Variants in RNF217 observed in about 807,000 individuals in gnomAD.
RNF217 encodes the protein E3 ubiquitin-protein ligase RNF217.
A neutral mutation model predicts 57.8 loss-of-function variants in RNF217; 31 were observed. The observed-to-expected ratio is 0.54, with a 90% confidence interval of 0.40 to 0.72. The LOEUF (loss-of-function observed/expected upper bound fraction) is 0.72, where lower values mean the gene tolerates loss of function less well. Ranked by LOEUF, RNF217 falls within the 30% of genes least tolerant of loss-of-function variation. RNF217 has a pLI of 0.00. For missense variants in RNF217, 696 were observed against 708.3 expected, an observed-to-expected ratio of 0.98 and a Z score of 0.20; for synonymous variants, 313 against 294.0, an observed-to-expected ratio of 1.06 and a Z score of -0.66.
At chr6:125,016,021 T>A (rs528771086) in intron 1 of RNF217, among the ~76,000 whole-genome samples, 1 of 152,260 alleles carries the variant, frequency 6.6e-6, no homozygotes, top group Admixed American at 6.5e-5. Context: ...ATGGATTCAC[T>A]GGTACATAAA....
chr6:125,016,866 G>A (rs1785631799), intron 1 of RNF217, among the ~76,000 whole-genome samples: 2 of 152,078 alleles, frequency 1.3e-5, no homozygotes, highest in African/African-American at 4.8e-5. Context: ...AACGGCCATG[G>A]CACGCGTATA....
chr6:125,026,693 T>G (rs1268049091), intron 1 of RNF217, among the ~76,000 whole-genome samples: 1 of 152,174 alleles, frequency 6.6e-6, no homozygotes, highest in Non-Finnish European at 1.5e-5. Flanking sequence ...AGTCAGCTTT[T>G]TTTAGGTAGG....
At position 125,076,604 on chromosome 6, in the gene RNF217, T is replaced by C. The variant is rs866786360; in HGVS notation, c.1282-53T>C. 2.8e-6 allele frequency: 4 copies of C among 1,416,570 alleles called. No homozygotes were observed. In the African/African-American group the frequency reaches 5.7e-5, roughly 20 times the overall value. 87.8% of individuals were successfully genotyped at this position (1,416,570 alleles called of 1,614,324 possible). A position where few individuals can be genotyped will look rare whatever the true frequency, so the allele number is the denominator to read the frequency against. On this transcript the variant is annotated intron_variant, in intron 3 of 5. Transcript: ENST00000521654. ...GTTTCATAAAATTTGCGATTTTGCT[T>C]TTTAAAAACTCAGCTAACTCTTTCC...
intron 3 of RNF217, among the ~76,000 whole-genome samples, chr6:125,062,592 T>A (rs1447770676): frequency 6.6e-6 from 1 of 152,194 alleles, no homozygotes; most frequent in Non-Finnish European, 1.5e-5. Context: ...TTTGTTTTTT[T>A]TGAGATGGAG....
chr6:125,059,143 GA>G (rs200609152), intron 3 of RNF217, among the ~76,000 whole-genome samples: 3,272 of 152,228 alleles, frequency 0.021, 117 homozygotes, highest in African/African-American at 0.074. Context: ...ATATAGTAAG[GA>G]AAAGTATTGT....
intron 1 of RNF217, among the ~76,000 whole-genome samples, chr6:124,999,542 G>T (rs1005608461): frequency 1.3e-5 from 2 of 151,414 alleles, no homozygotes; most frequent in African/African-American, 4.9e-5. Context: ...TGTACTTTAG[G>T]CTCATAGACT....
At chr6:124,990,276 T>G (rs1197516287) in intron 1 of RNF217, among the ~76,000 whole-genome samples, 1 of 152,348 alleles carries the variant, frequency 6.6e-6, no homozygotes, top group South Asian at 2.1e-4. Context: ...CTTCTCTATG[T>G]ATGCTCACTA....
In RNF217 at chr6:125,045,179, T is replaced by G. The variant is rs370050775; in HGVS notation, c.883-32T>G. 124 of 1,451,326 alleles carry G rather than the reference T, an allele frequency of 8.5e-5. No homozygotes were observed. In the African/African-American group the frequency reaches 1.7e-3, roughly 19 times the overall value. 89.9% of individuals were successfully genotyped at this position (1,451,326 alleles called of 1,614,324 possible). Reference sequence around the variant, plus strand: ...ATGAAAGAAAATAACCAGTGACGTTTTTTTCCTTCCATCTGCTCTTCCATC... The same window carrying G: ...ATGAAAGAAAATAACCAGTGACGTTGTTTTCCTTCCATCTGCTCTTCCATC... On this transcript the variant is annotated intron_variant, in intron 1 of 5. Transcript: ENST00000521654.
At chr6:125,029,805 T>C (rs1461038212) in intron 1 of RNF217, among the ~76,000 whole-genome samples, 3 of 152,206 alleles carry the variant, frequency 2.0e-5, no homozygotes, top group Non-Finnish European at 4.4e-5. Flanking sequence ...AAAAAATTTT[T>C]GAAATCAGCT....
chr6:125,069,966 T>A (rs1267279544), intron 3 of RNF217, among the ~76,000 whole-genome samples: 1 of 152,124 alleles, frequency 6.6e-6, no homozygotes, highest in Non-Finnish European at 1.5e-5. Flanking sequence ...CCGAGCAGTG[T>A]ACACTGTACC....
chr6:125,044,309 GT>G (rs536896193), intron 1 of RNF217, among the ~76,000 whole-genome samples: 1 of 152,116 alleles, frequency 6.6e-6, no homozygotes, highest in East Asian at 1.9e-4. Flanking sequence ...AATATAAAGA[GT>G]TATTGTTCAC....
chr6:124,993,366 A>T (rs528511800), intron 1 of RNF217, among the ~76,000 whole-genome samples: 1 of 152,262 alleles, frequency 6.6e-6, no homozygotes, highest in South Asian at 2.1e-4. Flanking sequence ...TAAATATTAG[A>T]TCTTCTCCTC....
rs1226631366 is a variant in RNF217 at position 125,090,588 on chromosome 6, A to G, written c.*7651A>G. 6.6e-6 allele frequency: 1 copy of G among 151,694 alleles called. No homozygotes were observed. Among genetic ancestry groups the G allele is most frequent in the East Asian group, 1.9e-4 (1 of 5,184 alleles). The allele number at this position is 151,694 out of a possible 1,614,324, so 9.4% of individuals were successfully genotyped here. ...TCCTCTAAGTATCAGAATGTATTCC[A>G]TTTTAATTATATTCTCCTTAACAAT... On this transcript the variant is annotated 3_prime_UTR_variant, in exon 6 of 6. Transcript: ENST00000521654.
chr6:124,978,119 G>C (rs1784034695), intron 1 of RNF217, among the ~76,000 whole-genome samples: 1 of 152,034 alleles, frequency 6.6e-6, no homozygotes, highest in African/African-American at 2.4e-5. Flanking sequence ...ATAGTCCATG[G>C]TCCAGCTTCT....
At chr6:125,002,013 T>C (rs1350933992) in intron 1 of RNF217, among the ~76,000 whole-genome samples, 9 of 152,184 alleles carry the variant, frequency 5.9e-5, no homozygotes, top group African/African-American at 1.9e-4. Context: ...ATTCTCCATA[T>C]GAAATAAGAT....
intron 1 of RNF217, among the ~76,000 whole-genome samples, chr6:125,015,911 C>T (rs994813329): frequency 2.6e-5 from 4 of 151,894 alleles, no homozygotes; most frequent in African/African-American, 7.2e-5. Flanking sequence ...TGTAGCATTT[C>T]AGCAAAAAAA....
rs1788977620 is a variant in RNF217 at position 125,092,318 on chromosome 6, G to A, written c.*9381G>A. 1 of 152,188 alleles carries A rather than the reference G, an allele frequency of 6.6e-6. No homozygotes were observed. The highest frequency in any genetic ancestry group is 1.5e-5 in the Non-Finnish European group (1 of 68,036). 9.4% of individuals were successfully genotyped at this position (152,188 alleles called of 1,614,324 possible). A position where few individuals can be genotyped will look rare whatever the true frequency, so the allele number is the denominator to read the frequency against. On this transcript the variant is annotated 3_prime_UTR_variant, in exon 6 of 6. Coordinates refer to ENST00000521654, the MANE Select transcript of RNF217 (RefSeq NM_001286398.3). ...AAGTCTTTCAAAAGACGGACACCTT[G>A]TGATATTTTGGAGTCTAATTTCCGA...
intron 2 of RNF217, among the ~76,000 whole-genome samples, chr6:125,051,638 A>G (rs911605536): frequency 6.6e-6 from 1 of 152,068 alleles, no homozygotes. Flanking sequence ...CAGATTTGAA[A>G]TAATTCATTG....
chr6:125,077,662 C>T (rs1417882061), intron 4 of RNF217, among the ~76,000 whole-genome samples: 1 of 152,172 alleles, frequency 6.6e-6, no homozygotes, highest in African/African-American at 2.4e-5. Flanking sequence ...TATTCCATTC[C>T]CTGCTGCTCT....
Sources: allele counts gnomAD v4.1 joint callset (sites outside exome capture counted in the v4.1 genomes callset), GRCh38; gene constraint gnomAD v4.1.1; transcripts MANE v1.5; gene names NCBI Gene and HGNC (gene_info 2026-07-23, HGNC 2026-07-21).